WDR70: variants seen among roughly 807,000 people sequenced by gnomAD.
WDR70 encodes WD repeat domain 70.
In WDR70, 53 loss-of-function variants were observed where a neutral mutation model predicts 88.6. The ratio of observed to expected loss-of-function variants is 0.60; its 90% CI spans 0.48 to 0.75. The LOEUF (loss-of-function observed/expected upper bound fraction) is 0.75, where lower values mean the gene tolerates loss of function less well. Ranked by LOEUF, WDR70 falls within the 30% of genes least tolerant of loss-of-function variation. The pLI is 0.00. For missense variants in WDR70, 610 were observed against 823.2 expected (o/e 0.74, Z 3.17); for synonymous variants, 280 against 270.0 (o/e 1.04, Z -0.36).
intron 5 of WDR70, among the ~76,000 whole-genome samples, chr5:37,422,084 G>A (rs1420055396): frequency 1.3e-5 from 2 of 151,842 alleles, no homozygotes; most frequent in African/African-American, 4.8e-5. Flanking sequence ...TTAATACTGA[G>A]GGTAAAGGAT....
chr5:37,466,020 A>G (rs1739140393), intron 7 of WDR70, among the ~76,000 whole-genome samples: 1 of 151,988 alleles, frequency 6.6e-6, no homozygotes, highest in Admixed American at 6.6e-5. Context: ...TACTGTTAAT[A>G]TTACCCTTGT....
chr5:37,529,908 G>T (rs910806515), intron 9 of WDR70, among the ~76,000 whole-genome samples: 1 of 151,944 alleles, frequency 6.6e-6, no homozygotes, highest in Non-Finnish European at 1.5e-5. Flanking sequence ...TTCAGTTCTT[G>T]CAGGAATGCT....
At chr5:37,563,306 G>C (rs1163500518) in intron 9 of WDR70, among the ~76,000 whole-genome samples, 6 of 38,162 alleles carry the variant, frequency 1.6e-4, no homozygotes, top group Middle Eastern at 0.023. Context: ...CGGGGGGCTG[G>C]CCCCCCACCT....
At chr5:37,506,495 C>T in intron 8 of WDR70, 1 of 769,502 alleles carries the variant, frequency 1.3e-6, no homozygotes, top group South Asian at 1.3e-5. Context: ...CACCTCTGTT[C>T]TTAAGCATGT....
chr5:37,472,047 C>A (rs1186194128), intron 7 of WDR70, among the ~76,000 whole-genome samples: 3 of 151,170 alleles, frequency 2.0e-5, no homozygotes, highest in Non-Finnish European at 4.4e-5. Context: ...TTAATGATAC[C>A]CTTTATCAAA....
intron 15 of WDR70, 111 bp downstream of exon 15, chr5:37,723,045 A>C: frequency 7.5e-7 from 1 of 1,339,120 alleles, no homozygotes; most frequent in Non-Finnish European, 1.1e-6. Context: ...CATATATTAC[A>C]AAATTGCCCA....
At chr5:37,711,443 T>G (rs1747509421) in intron 13 of WDR70, among the ~76,000 whole-genome samples, 1 of 152,216 alleles carries the variant, frequency 6.6e-6, no homozygotes, top group African/African-American at 2.4e-5. Flanking sequence ...GTCAGATCAT[T>G]TTTTTCTTTA....
chr5:37,675,126 G>A (rs2112602321), intron 10 of WDR70, among the ~76,000 whole-genome samples: 1 of 152,188 alleles, frequency 6.6e-6, no homozygotes, highest in Admixed American at 6.5e-5. Context: ...GTAGATTCTG[G>A]ATATTAGCCC....
At position 37,499,743 on chromosome 5, in the gene WDR70, C is replaced by T. The variant is rs1434430472; in HGVS notation, c.841-16771C>T. On this transcript the variant is annotated intron_variant, in intron 8 of 17. Transcript: ENST00000265107. ...TAATGTTTTGTATTTTTTATAGATA[C>T]GGGTTTGGCATTTTGCTCAGGCTGG... Among the ~76,000 whole-genome samples the T allele has an allele frequency of 5.3e-5, 8 of 151,502 alleles. No individual in the cohort carries two copies. The East Asian group carries it at 1.2e-3, about 22-fold the overall frequency.
intron 8 of WDR70, among the ~76,000 whole-genome samples, chr5:37,494,617 T>C (rs902838773): frequency 2.0e-5 from 3 of 152,326 alleles, no homozygotes; most frequent in East Asian, 3.9e-4. Context: ...CCAGTAAGTG[T>C]GATATCTAGA....
chr5:37,704,882 C>CTT (rs34278678), intron 13 of WDR70, among the ~76,000 whole-genome samples: 1 of 144,668 alleles, frequency 6.9e-6, no homozygotes. Context: ...TATCTTGTGT[C>CTT]TTTTTTTTTT....
In WDR70 at chr5:37,490,950, C is replaced by A. The variant is rs59289853; in HGVS notation, c.840+10963C>A. 7.4e-3 allele frequency among the ~76,000 whole-genome samples: 1,122 copies of A among 152,198 alleles called. 17 individuals carry two copies. Among genetic ancestry groups the A allele is most frequent in the African/African-American group, 0.025 (1,056 of 41,528 alleles). On this transcript the variant is annotated intron_variant, in intron 8 of 17. Coordinates refer to ENST00000265107, the MANE Select transcript of WDR70 (RefSeq NM_018034.4). Reference sequence around the variant, plus strand: ...ATGTGGAGATGCAGGTACTGTTTGGCCCCAGAAAGAAAACAGACTGGTGGG... The same window carrying A: ...ATGTGGAGATGCAGGTACTGTTTGGACCCAGAAAGAAAACAGACTGGTGGG...
chr5:37,752,613 T>C lies in WDR70; in HGVS notation c.*40T>C. The C allele has an allele frequency of 4.2e-6, 6 of 1,420,044 alleles. No homozygotes were observed. The highest frequency in any genetic ancestry group is 4.9e-6 in the Non-Finnish European group (5 of 1,020,560). 88.0% of individuals were successfully genotyped at this position (1,420,044 alleles called of 1,614,324 possible). A position where few individuals can be genotyped will look rare whatever the true frequency, so the allele number is the denominator to read the frequency against. ...GAGCTGTTTGCATGAGTGGGAGGGG[T>C]ATGGGACAGGTTTGGGTTTTTTTTT... is the stretch of plus-strand genomic sequence containing the variant. On this transcript the variant is annotated 3_prime_UTR_variant, in exon 18 of 18. Transcript: ENST00000265107.
chr5:37,487,623 ATGTATTTT>A (rs1478989432), intron 8 of WDR70, among the ~76,000 whole-genome samples: 14 of 18,564 alleles, frequency 7.5e-4, no homozygotes, highest in South Asian at 1.9e-3. Flanking sequence ...ATATATATAT[ATGTATTTT>A]TTTTTTTTTT....
chr5:37,690,063 A>G (rs1027606019), intron 10 of WDR70, among the ~76,000 whole-genome samples: 7 of 152,230 alleles, frequency 4.6e-5, no homozygotes, highest in African/African-American at 1.7e-4. Context: ...TTCATGACTC[A>G]TGCACAAGCT....
At chr5:37,542,060 TAGAG>T (rs568159322) in intron 9 of WDR70, among the ~76,000 whole-genome samples, 49 of 152,134 alleles carry the variant, frequency 3.2e-4, no homozygotes, top group Middle Eastern at 3.4e-3. Flanking sequence ...AGTAGGGAAT[TAGAG>T]AGGAGATGGA....
At chr5:37,491,575 G>A (rs977392387) in intron 8 of WDR70, among the ~76,000 whole-genome samples, 4 of 152,080 alleles carry the variant, frequency 2.6e-5, no homozygotes, top group Admixed American at 6.5e-5. Flanking sequence ...CTCCATTAGC[G>A]GATCTTAGTC....
intron 7 of WDR70, among the ~76,000 whole-genome samples, chr5:37,468,219 T>C (rs1036010899): frequency 6.6e-6 from 1 of 152,196 alleles, no homozygotes; most frequent in African/African-American, 2.4e-5. Flanking sequence ...TATATTGCAC[T>C]TGTTGATGTA....
intron 9 of WDR70, among the ~76,000 whole-genome samples, chr5:37,569,212 T>G (rs1164102381): frequency 6.6e-6 from 1 of 152,188 alleles, no homozygotes; most frequent in Admixed American, 6.5e-5. Flanking sequence ...CAAGAAATGT[T>G]TATTGTTTTA....
Sources: allele counts gnomAD v4.1 joint callset (sites outside exome capture counted in the v4.1 genomes callset), GRCh38; gene constraint gnomAD v4.1.1; transcripts MANE v1.5; gene names NCBI Gene and HGNC (gene_info 2026-07-23, HGNC 2026-07-21).